PIEZO1: variants seen among roughly 807,000 people sequenced by gnomAD.
The protein encoded by PIEZO1 is piezo type mechanosensitive ion channel component 1 (Er blood group), also known as piezo-type mechanosensitive ion channel component 1.
PIEZO1 carries 296 observed loss-of-function variants against 297.2 expected under a neutral mutation model. The observed-to-expected ratio is 1.00, with a 90% confidence interval of 0.91 to 1.10. PIEZO1 has a LOEUF of 1.10. Among genes scored for constraint, PIEZO1 ranks in the 50% least tolerant of loss-of-function variants. The pLI is 0.00. For missense variants in PIEZO1, 5,018 were observed against 3,455.5 expected, an observed-to-expected ratio of 1.45 and a Z score of -11.34; for synonymous variants, 2,427 against 1,507.5, an observed-to-expected ratio of 1.61 and a Z score of -14.13.
intron 12 of PIEZO1, among the ~76,000 whole-genome samples, chr16:88,735,828 C>T (rs1225130954): frequency 1.3e-5 from 2 of 152,208 alleles, no homozygotes; most frequent in Admixed American, 1.3e-4. Flanking sequence ...AGGGGTGGTG[C>T]CTGTGCCAAT....
At chr16:88,720,953 A>C (rs909530557) in intron 39 of PIEZO1, among the ~76,000 whole-genome samples, 4 of 152,144 alleles carry the variant, frequency 2.6e-5, no homozygotes, top group Non-Finnish European at 4.4e-5. Flanking sequence ...CCAGGCCAAC[A>C]GTCACCCTAC....
intron 10 of PIEZO1, chr16:88,737,160 A>G (rs1253903989): frequency 1.6e-5 from 4 of 252,778 alleles, no homozygotes; most frequent in African/African-American, 6.9e-5. Context: ...TGGCCAACAC[A>G]GAGTTCCCAG....
chr16:88,723,092 T>TACCTGCC lies in PIEZO1; in HGVS notation c.4491_4495+2dup, dbSNP rs1904294402. Reference sequence around the variant, plus strand: ...CCCACTCCCCAGCCCCGGGCCCACGTACCTGCCGCTGCCTCCTCGGGGCCC... The same window carrying TACCTGCC: ...CCCACTCCCCAGCCCCGGGCCCACGTACCTGCCACCTGCCGCTGCCTCCTCGGGGCCC... On this transcript the variant is annotated splice_region_variant and intron_variant, in intron 33 of 50. Transcript: ENST00000301015. 1 of 1,547,578 alleles carries TACCTGCC rather than the reference T, an allele frequency of 6.5e-7. No homozygotes were observed. Among genetic ancestry groups the TACCTGCC allele is most frequent in the Middle Eastern group, 1.7e-4 (1 of 5,934 alleles).
rs1285400030 is a variant in PIEZO1, at chr16:88,736,169, G to T, written c.1536C>A (p.Pro512=). The change falls in exon 12 of 51, where the codon CCC becomes CCA. Residue 512 remains proline, a synonymous_variant. Coordinates refer to ENST00000301015, the MANE Select transcript of PIEZO1 (RefSeq NM_001142864.4). The part of the protein sequence containing the change: ...RQLGLEHTRY[P]CLDLGAMLLY... ...TCACCATGGCACCAAGGTCCAGACA[G>T]GGGTAGCGGGTGTGCTCCAGCCCCA... is the stretch of plus-strand genomic sequence containing the variant. 6.5e-7 allele frequency: 1 copy of T among 1,548,088 alleles called. No homozygotes were observed. Among genetic ancestry groups the T allele is most frequent in the Admixed American group, 2.0e-5 (1 of 50,932 alleles).
chr16:88,742,437 G>T lies in PIEZO1; in HGVS notation c.161-15C>A, dbSNP rs749474558. 1.3e-6 allele frequency: 2 copies of T among 1,533,974 alleles called. No individual in the cohort carries two copies. Among genetic ancestry groups the T allele is most frequent in the Non-Finnish European group, 1.7e-6 (2 of 1,146,362 alleles). On this transcript the variant is annotated splice_polypyrimidine_tract_variant and intron_variant, in intron 2 of 50. Coordinates refer to ENST00000301015, the MANE Select transcript of PIEZO1 (RefSeq NM_001142864.4). ...GCCTGTGTGACCTGCGGCAGAGCGAGTGGGTGAGGCTGGTCCCGGGGACGG... is the reference window on the plus strand; with the variant it reads ...GCCTGTGTGACCTGCGGCAGAGCGATTGGGTGAGGCTGGTCCCGGGGACGG...
At chr16:88,747,690 CAGA>C (rs1310245157) in intron 2 of PIEZO1, among the ~76,000 whole-genome samples, 1 of 152,230 alleles carries the variant, frequency 6.6e-6, no homozygotes, top group African/African-American at 2.4e-5. Context: ...TCTGTGAACG[CAGA>C]AGCTCACATG....
chr16:88,734,825 G>A, intron 14 of PIEZO1, 27 bp from the exon 15 acceptor site: 1 of 1,550,154 alleles, frequency 6.5e-7, no homozygotes, highest in Non-Finnish European at 8.7e-7. Flanking sequence ...GGGTGGTGAG[G>A]ACCGCGGGGA....
rs760008314 is a variant in PIEZO1, at chr16:88,721,518, C to T, written c.5403+20G>A. The T allele has an allele frequency of 7.1e-6, 11 of 1,542,724 alleles. No individual in the cohort carries two copies. Among genetic ancestry groups the T allele is most frequent in the Non-Finnish European group, 9.6e-6 (11 of 1,141,510 alleles). On this transcript the variant is annotated intron_variant, in intron 38 of 50. Coordinates refer to ENST00000301015, the MANE Select transcript of PIEZO1 (RefSeq NM_001142864.4). The stretch of plus-strand genomic sequence containing the variant: ...GAGGGCCTGCCCAGCCCCGCATTGC[C>T]AGCCAAGGCTCACACTCACCAGCAG...
At position 88,734,774 on chromosome 16, in the gene PIEZO1, G is replaced by C; in HGVS notation, c.1873C>G (p.Leu625Val). 6.5e-7 allele frequency: 1 copy of C among 1,550,338 alleles called. No homozygotes were observed. Among genetic ancestry groups the C allele is most frequent in the Non-Finnish European group, 8.7e-7 (1 of 1,146,914 alleles). Residue 625 changes from leucine (L) to valine (V), a missense_variant, in exon 15 of 51, where the codon CTG becomes GTG. Coordinates refer to ENST00000301015, the MANE Select transcript of PIEZO1 (RefSeq NM_001142864.4). ...FQVYYSLWRKLLKAFWWLVVA... is the reference protein window; with the variant it reads ...FQVYYSLWRKVLKAFWWLVVA... ...ACGAGCCACCAGAAGGCCTTGAGCA[G>C]CTTCCGCCACAGGCTGTAGTAGACC...
intron 16 of PIEZO1, 34 bp downstream of exon 16, chr16:88,734,322 T>G (rs1254370410): frequency 6.8e-7 from 1 of 1,471,528 alleles, no homozygotes; most frequent in Non-Finnish European, 9.0e-7. Context: ...AGGCTACACC[T>G]CTCCAGGGCC....
At chr16:88,758,564 C>T (rs1320996781) in intron 1 of PIEZO1, among the ~76,000 whole-genome samples, 1 of 152,252 alleles carries the variant, frequency 6.6e-6, no homozygotes, top group Admixed American at 6.5e-5. Context: ...ACTCCACAGG[C>T]ACCCACGGAC....
At chr16:88,757,729 T>C (rs1207412679) in intron 1 of PIEZO1, among the ~76,000 whole-genome samples, 4 of 152,098 alleles carry the variant, frequency 2.6e-5, no homozygotes, top group African/African-American at 9.7e-5. Flanking sequence ...CCAGCTGCCA[T>C]GGCTGGAGGC....
At chr16:88,773,030 T>C (rs889899794) in intron 1 of PIEZO1, among the ~76,000 whole-genome samples, 4 of 152,224 alleles carry the variant, frequency 2.6e-5, no homozygotes, top group Non-Finnish European at 4.4e-5. Context: ...TGAGGCGGCC[T>C]GTCTGTCCAC....
Position 88,726,014 on chromosome 16 carries a change from T to A in PIEZO1, c.3968+270A>T, listed in dbSNP as rs941033696. The A allele has an allele frequency of 5.3e-6, 3 of 569,218 alleles. No individual in the cohort carries two copies. In the East Asian group the frequency reaches 8.8e-5, roughly 17 times the overall value. The allele number at this position is 569,218 out of a possible 1,614,324, so 35.3% of individuals were successfully genotyped here. A position where few individuals can be genotyped will look rare whatever the true frequency, so the allele number is the denominator to read the frequency against. On this transcript the variant is annotated intron_variant, in intron 27 of 50. Coordinates refer to ENST00000301015, the MANE Select transcript of PIEZO1 (RefSeq NM_001142864.4). ...GTGGCCCTCCCGCTGGTGGAGAAAC[T>A]TAGCCCTTAGTGGGAAAGTTGGCTG...
At chr16:88,732,979 C>A in intron 19 of PIEZO1, 1 of 583,582 alleles carries the variant, frequency 1.7e-6, no homozygotes, top group Admixed American at 3.1e-5. Flanking sequence ...CGAGAAGGTC[C>A]CAGGCAGAGA....
At chr16:88,771,961 G>A (rs1288936450) in intron 1 of PIEZO1, among the ~76,000 whole-genome samples, 1 of 37,108 alleles carries the variant, frequency 2.7e-5, no homozygotes, top group Non-Finnish European at 4.6e-5. Context: ...CTCTATGCCC[G>A]TCCACCCGCG....
In PIEZO1 at chr16:88,732,368, G is replaced by T. The variant is rs1461837781; in HGVS notation, c.2958C>A (p.Phe986Leu). ...CGAATTTGTAGAAGAAGAAGTTGATGAAGTACTTGAGGCAGCCGAGCAGAT... is the reference window on the plus strand; with the variant it reads ...CGAATTTGTAGAAGAAGAAGTTGATTAAGTACTTGAGGCAGCCGAGCAGAT... ...DQDLLGCLKY[F>L]INFFFYKFGL... The change falls in exon 21 of 51, where the codon TTC becomes TTA. Residue 986 changes from phenylalanine (F) to leucine (L), a missense_variant. Phe to Leu is a conservative substitution (Grantham distance 22). Transcript: ENST00000301015. 2 of 1,549,654 alleles carry T rather than the reference G, an allele frequency of 1.3e-6. No individual in the cohort carries two copies. The highest frequency in any genetic ancestry group is 1.2e-5 in the South Asian group (1 of 84,042).
intron 2 of PIEZO1, among the ~76,000 whole-genome samples, chr16:88,744,510 C>T (rs1010242301): frequency 6.6e-6 from 1 of 151,806 alleles, no homozygotes; most frequent in Admixed American, 6.6e-5. Flanking sequence ...CGGGAAGGAA[C>T]TGCCTGACCA....
intron 1 of PIEZO1, among the ~76,000 whole-genome samples, chr16:88,773,192 T>C (rs1907504035): frequency 6.6e-6 from 1 of 152,190 alleles, no homozygotes; most frequent in Non-Finnish European, 1.5e-5. Flanking sequence ...AGCCTCCCCC[T>C]CTGGCCCCCC....
Sources: allele counts gnomAD v4.1 joint callset (sites outside exome capture counted in the v4.1 genomes callset), GRCh38; gene constraint gnomAD v4.1.1; transcripts MANE v1.5; gene names NCBI Gene and HGNC (gene_info 2026-07-23, HGNC 2026-07-21).